Variants in SLC26A3 observed in about 807,000 individuals in gnomAD.
The protein encoded by SLC26A3 is solute carrier family 26 member 3, also known as chloride anion exchanger.
Under a neutral mutation model 85.6 loss-of-function variants are expected in SLC26A3, and 64 were observed. That is an observed-to-expected ratio of 0.75 (90% confidence interval 0.61 to 0.92). SLC26A3 has a LOEUF of 0.92. Among genes scored for constraint, SLC26A3 ranks in the 40% least tolerant of loss-of-function variants. SLC26A3 has a pLI of 0.00. For synonymous variants in SLC26A3, 349 were observed against 336.0 expected (o/e 1.04, Z -0.42); for missense variants, 922 against 927.3 (o/e 0.99, Z 0.07).
rs759075042 is a variant in SLC26A3, at chr7:107,774,042, T to G, written c.1885A>C (p.Ile629Leu). The change falls in exon 17 of 21, where the codon ATT (isoleucine) becomes CTT (leucine). Residue 629 changes from isoleucine to leucine, a missense_variant. Ile to Leu is a conservative substitution (Grantham distance 5, BLOSUM62 2). Coordinates refer to ENST00000340010, the MANE Select transcript of SLC26A3 (RefSeq NM_000111.3). ...PINTTDLPFH[I>L]DWNDDLPLNI... ...AGAGGAAGATCATCATTCCAGTCAA[T>G]GTGGAAAGGCAGGTCTGTGGTATTG... The G allele has an allele frequency of 4.3e-6, 7 of 1,614,106 alleles. No homozygotes were observed. In the South Asian group the frequency reaches 7.7e-5, roughly 18 times the overall value.
intron 1 of SLC26A3, among the ~76,000 whole-genome samples, chr7:107,796,054 T>C (rs192203012): frequency 9.9e-5 from 15 of 152,102 alleles, no homozygotes; most frequent in African/African-American, 3.6e-4. Flanking sequence ...TCTGGCTTGA[T>C]CTCCAGAATT....
At chr7:107,778,765 G>A (rs532293437) in intron 12 of SLC26A3, among the ~76,000 whole-genome samples, 67 of 152,188 alleles carry the variant, frequency 4.4e-4, no homozygotes, top group African/African-American at 1.6e-3. Flanking sequence ...TGAGGTGGGA[G>A]GATCACTTGA....
At chr7:107,786,387 C>A (rs1034434784) in intron 8 of SLC26A3, among the ~76,000 whole-genome samples, 1 of 152,026 alleles carries the variant, frequency 6.6e-6, no homozygotes. Flanking sequence ...GTCTTGAACT[C>A]CCGGGCTCAA....
intron 13 of SLC26A3, 120 bp from the exon 14 acceptor site, chr7:107,776,826 G>T: frequency 2.3e-6 from 2 of 861,006 alleles, no homozygotes; most frequent in African/African-American, 1.7e-5. Context: ...AAAGGTTGGG[G>T]AATCATCATG....
At chr7:107,800,442 T>A (rs1195778386) in intron 1 of SLC26A3, among the ~76,000 whole-genome samples, 2 of 152,254 alleles carry the variant, frequency 1.3e-5, no homozygotes, top group Non-Finnish European at 2.9e-5. Flanking sequence ...CCTAACACAG[T>A]TGTAGAAGAT....
intron 17 of SLC26A3, among the ~76,000 whole-genome samples, chr7:107,773,676 G>A (rs746713683): frequency 2.6e-5 from 4 of 152,152 alleles, no homozygotes; most frequent in East Asian, 3.9e-4. Context: ...TCAGCCTCCC[G>A]AGTAGCTGGG....
At chr7:107,783,398 A>G (rs1482053396) in intron 8 of SLC26A3, 46 bp from the exon 9 acceptor site, 1 of 1,605,780 alleles carries the variant, frequency 6.2e-7, no homozygotes, top group Non-Finnish European at 8.5e-7. Context: ...ACCAATTTAT[A>G]AACTGATATA....
chr7:107,799,440 G>A (rs1461501670), intron 1 of SLC26A3, among the ~76,000 whole-genome samples: 1 of 152,080 alleles, frequency 6.6e-6, no homozygotes, highest in African/African-American at 2.4e-5. Flanking sequence ...GTGGAGGCTG[G>A]AGTGCAGTGG....
chr7:107,783,191 G>T lies in SLC26A3; in HGVS notation c.1119+14C>A. 1 of 1,614,182 alleles carries T rather than the reference G, an allele frequency of 6.2e-7. No homozygotes were observed. Among genetic ancestry groups the T allele is most frequent in the Non-Finnish European group, 8.5e-7 (1 of 1,180,006 alleles). On this transcript the variant is annotated intron_variant, in intron 9 of 20. Transcript: ENST00000340010. ...AAGTTGCCCAGTGAGACCCAGTGTA[G>T]TTTGTTTACTTACCTGATTGCCATC...
intron 20 of SLC26A3, 53 bp downstream of exon 20, chr7:107,767,526 G>GTT (rs558627605): frequency 1.5e-6 from 2 of 1,358,974 alleles, no homozygotes; most frequent in East Asian, 2.3e-5. Context: ...TACTTTGAAG[G>GTT]TTTTTTTTTG....
At chr7:107,775,145 C>G (rs1039834208) in intron 15 of SLC26A3, among the ~76,000 whole-genome samples, 3 of 152,134 alleles carry the variant, frequency 2.0e-5, no homozygotes. Flanking sequence ...GACATAAACT[C>G]TATTTGAATC....
intron 17 of SLC26A3, 95 bp from the exon 18 acceptor site, chr7:107,772,203 T>G (rs2115805301): frequency 1.3e-6 from 1 of 751,714 alleles, no homozygotes; most frequent in East Asian, 2.6e-5. Context: ...GGGTGATATA[T>G]TCCTTTTAGA....
intron 20 of SLC26A3, among the ~76,000 whole-genome samples, chr7:107,766,294 T>G (rs985376690): frequency 6.6e-6 from 1 of 152,188 alleles, no homozygotes; most frequent in African/African-American, 2.4e-5. Flanking sequence ...CTAGCTAGAT[T>G]TGTTAGACAA....
intron 15 of SLC26A3, 131 bp from the exon 16 acceptor site, chr7:107,775,003 A>G (rs1794087247): frequency 5.2e-6 from 4 of 767,784 alleles, no homozygotes; most frequent in Admixed American, 2.0e-5. Flanking sequence ...ACAAAATTTA[A>G]AAGTGGTTTA....
chr7:107,774,638 A>G (rs1794081059), intron 16 of SLC26A3, 139 bp downstream of exon 16: 1 of 725,882 alleles, frequency 1.4e-6, no homozygotes, highest in African/African-American at 1.7e-5. Context: ...GAAGGATGTC[A>G]TTTTAAAATA....
At chr7:107,778,647 T>A (rs1794169140) in intron 12 of SLC26A3, among the ~76,000 whole-genome samples, 1 of 152,138 alleles carries the variant, frequency 6.6e-6, no homozygotes, top group African/African-American at 2.4e-5. Flanking sequence ...TTGCAAAAAC[T>A]GCAATTACTT....
At position 107,782,795 on chromosome 7, in the gene SLC26A3, A is replaced by G; in HGVS notation, c.1311+2T>C. 1.2e-6 allele frequency: 2 copies of G among 1,613,630 alleles called. No individual in the cohort carries two copies. The highest frequency in any genetic ancestry group is 1.7e-6 in the Non-Finnish European group (2 of 1,179,538). Reference sequence around the variant, plus strand: ...AGAGATGCTATCCAAAGACAGTGTTACCTTTTGTAGAGGCGCCAGGAGAAA... The same window carrying G: ...AGAGATGCTATCCAAAGACAGTGTTGCCTTTTGTAGAGGCGCCAGGAGAAA... On this transcript the variant is annotated splice_donor_variant, in intron 11 of 20. Transcript: ENST00000340010. LOFTEE classifies it high-confidence loss of function.
intron 3 of SLC26A3, among the ~76,000 whole-genome samples, chr7:107,792,459 C>T (rs1794419254): frequency 6.6e-6 from 1 of 151,908 alleles, no homozygotes; most frequent in African/African-American, 2.4e-5. Flanking sequence ...ATTAGATTCT[C>T]ATAAGGAGCA....
Position 107,776,549 on chromosome 7 carries a change from A to G in SLC26A3, c.1585-5T>C, listed in dbSNP as rs1298968378. 1.2e-6 allele frequency: 2 copies of G among 1,612,802 alleles called. No homozygotes were observed. Among genetic ancestry groups the G allele is most frequent in the Non-Finnish European group, 1.7e-6 (2 of 1,178,746 alleles). ...CACTCCTTCTGGCTCATACATCTGT[A>G]AGGCAGAGAAGCATTGTTAGGTGTT... is the stretch of plus-strand genomic sequence containing the variant. On this transcript the variant is annotated splice_polypyrimidine_tract_variant and splice_region_variant and intron_variant, in intron 14 of 20. Transcript: ENST00000340010.
Sources: gnomAD v4.1 joint callset for allele counts (sites outside exome capture counted in the v4.1 genomes callset) on GRCh38, gnomAD v4.1.1 for gene constraint, MANE v1.5 for transcripts, NCBI Gene and HGNC (gene_info 2026-07-23, HGNC 2026-07-21) for gene names.